The following S100Z variants were observed in gnomAD, a reference collection of about 807,000 sequenced individuals.
S100Z encodes S100 calcium binding protein Z.
A neutral mutation model predicts 8.5 loss-of-function variants in S100Z; 11 were observed. The observed-to-expected ratio is 1.30, with a 90% CI of 0.82 to 2.15. S100Z has a LOEUF of 2.15. S100Z is among the 30% of genes most tolerant of loss of function. The probability of loss-of-function intolerance (pLI) is 0.00; values close to 1 mark genes in which losing one functional copy is unlikely to be tolerated. For missense variants in S100Z, 126 were observed against 117.9 expected, an observed-to-expected ratio of 1.07 and a Z score of -0.32; for synonymous variants, 34 against 43.8, an observed-to-expected ratio of 0.78 and a Z score of 0.89.
chr5:76,920,229 G>A (rs184842337), intron 4 of S100Z, among the ~76,000 whole-genome samples: 2 of 152,170 alleles, frequency 1.3e-5, no homozygotes, highest in African/African-American at 4.8e-5. Context: ...TTTTTAAATT[G>A]GGTGGTTTGT....
At chr5:76,857,549 G>A (rs1056639386) in intron 1 of S100Z, among the ~76,000 whole-genome samples, 2 of 149,948 alleles carry the variant, frequency 1.3e-5, no homozygotes, top group Non-Finnish European at 3.0e-5. Context: ...ACCCAGACTG[G>A]GGTGCAGTGA....
At chr5:76,850,827 G>GT (rs1579984422) in intron 1 of S100Z, among the ~76,000 whole-genome samples, 2 of 151,864 alleles carry the variant, frequency 1.3e-5, no homozygotes, top group African/African-American at 4.8e-5. Context: ...TTTGTTTTTT[G>GT]TTTTTTTCTG....
chr5:76,946,254 A>G, the S100Z span, among the ~76,000 whole-genome samples: 12 of 152,084 alleles, frequency 7.9e-5, no homozygotes, highest in Admixed American at 1.3e-4. Flanking sequence ...CCAAATCACC[A>G]CTTTCTTATT....
intron 2 of S100Z, among the ~76,000 whole-genome samples, chr5:76,874,140 T>C (rs903883042): frequency 1.1e-4 from 17 of 151,996 alleles, no homozygotes; most frequent in African/African-American, 1.9e-4. Flanking sequence ...ATTTCTTTTT[T>C]ACACAGTTGG....
At chr5:76,893,143 A>T (rs1331864651) in intron 4 of S100Z, among the ~76,000 whole-genome samples, 3 of 152,164 alleles carry the variant, frequency 2.0e-5, no homozygotes, top group Admixed American at 6.5e-5. Flanking sequence ...TCCTTTCACA[A>T]TGGAAAGTGT....
chr5:76,937,909 G>A, the S100Z span, among the ~76,000 whole-genome samples: 1 of 151,878 alleles, frequency 6.6e-6, no homozygotes, highest in Non-Finnish European at 1.5e-5. Flanking sequence ...GATCAGCTGG[G>A]CCAACATGGT....
chr5:76,893,919 CTT>C (rs1208374238), intron 4 of S100Z, among the ~76,000 whole-genome samples: 2 of 152,158 alleles, frequency 1.3e-5, no homozygotes, highest in African/African-American at 4.8e-5. Context: ...AATCCATTAT[CTT>C]GAGGCATTTA....
intron 4 of S100Z, among the ~76,000 whole-genome samples, chr5:76,901,146 A>G (rs1459069176): frequency 6.9e-6 from 1 of 144,540 alleles, no homozygotes; most frequent in Non-Finnish European, 1.5e-5. Context: ...TCCTGTGGCC[A>G]CCACCACAAT....
At chr5:76,932,728 G>A in the S100Z span, among the ~76,000 whole-genome samples, 6 of 152,240 alleles carry the variant, frequency 3.9e-5, no homozygotes, top group South Asian at 1.0e-3. Flanking sequence ...ATCCACAGAT[G>A]AATGACTTAG....
intron 4 of S100Z, among the ~76,000 whole-genome samples, chr5:76,919,582 T>C (rs74656424): frequency 9.4e-5 from 12 of 128,236 alleles, no homozygotes; most frequent in Non-Finnish European, 9.5e-5. Flanking sequence ...CTCTCTCTCT[T>C]TCTCTCTCCC....
At chr5:76,908,941 T>C (rs1253961209) in intron 4 of S100Z, among the ~76,000 whole-genome samples, 1 of 152,068 alleles carries the variant, frequency 6.6e-6, no homozygotes, top group African/African-American at 2.4e-5. Context: ...GACAGGCAAG[T>C]GTGCAGATTT....
chr5:76,875,875 G>A (rs1362729609), intron 3 of S100Z, among the ~76,000 whole-genome samples: 1 of 152,158 alleles, frequency 6.6e-6, no homozygotes, highest in Non-Finnish European at 1.5e-5. Context: ...GGCCAGAGGT[G>A]AAGGGGTACT....
the S100Z span, among the ~76,000 whole-genome samples, chr5:76,943,271 G>C: frequency 6.6e-6 from 1 of 152,096 alleles, no homozygotes; most frequent in Admixed American, 6.5e-5. Context: ...CTCTCCATGT[G>C]ACCTCTCCAG....
intron 1 of S100Z, among the ~76,000 whole-genome samples, chr5:76,854,426 G>T (rs1189475063): frequency 6.6e-6 from 1 of 152,174 alleles, no homozygotes; most frequent in Non-Finnish European, 1.5e-5. Flanking sequence ...CTGGAGCAAA[G>T]GTCACTTTTG....
At chr5:76,857,771 G>C (rs1750927730) in intron 1 of S100Z, among the ~76,000 whole-genome samples, 1 of 152,070 alleles carries the variant, frequency 6.6e-6, no homozygotes, top group African/African-American at 2.4e-5. Flanking sequence ...AAGGTGCTGG[G>C]ATTACAGGTA....
chr5:76,912,925 A>T (rs1457757480), intron 4 of S100Z, among the ~76,000 whole-genome samples: 3 of 129,934 alleles, frequency 2.3e-5, no homozygotes, highest in Non-Finnish European at 5.0e-5. Context: ...ACAAATAGGG[A>T]GTCAGAGAGA....
chr5:76,903,897 T>G (rs532126310), intron 4 of S100Z, among the ~76,000 whole-genome samples: 249 of 151,318 alleles, frequency 1.6e-3, no homozygotes, highest in African/African-American at 4.5e-3. Context: ...GCTATTTTTT[T>G]TGTGTGTGTG....
rs954720985 is a variant in S100Z at position 76,863,665 on chromosome 5, A to T, written c.-175-6501A>T. The stretch of plus-strand genomic sequence containing the variant: ...GCCATTCTCCTGCCTCAGCCTCCCA[A>T]GTAGCTGGGACTACAGGCACCCGCC... On this transcript the variant is annotated intron_variant, in intron 1 of 4. Transcript: ENST00000317593. Among the ~76,000 whole-genome samples, 4 of 151,822 alleles carry T rather than the reference A, an allele frequency of 2.6e-5. No homozygotes were observed. The South Asian group carries it at 8.3e-4, about 32-fold the overall frequency.
intron 4 of S100Z, among the ~76,000 whole-genome samples, chr5:76,909,010 T>C (rs1371923066): frequency 1.3e-5 from 2 of 152,156 alleles, no homozygotes; most frequent in Non-Finnish European, 2.9e-5. Context: ...CCTTGTGGTC[T>C]AGGAGGAAAA....
Sources: allele counts gnomAD v4.1 joint callset (sites outside exome capture counted in the v4.1 genomes callset), GRCh38; gene constraint gnomAD v4.1.1; transcripts MANE v1.5; gene names NCBI Gene and HGNC (gene_info 2026-07-23, HGNC 2026-07-21).